AP4S1: variants seen among roughly 807,000 people sequenced by gnomAD.
The protein encoded by AP4S1 is adaptor related protein complex 4 subunit sigma 1.
Under a neutral mutation model 19.8 loss-of-function variants are expected in AP4S1, and 23 were observed. The ratio of observed to expected loss-of-function variants is 1.16; its 90% CI spans 0.84 to 1.65. The LOEUF (loss-of-function observed/expected upper bound fraction) is 1.65. Among genes scored for constraint, AP4S1 ranks in the 40% most tolerant of loss-of-function variants. The pLI is 0.00. For synonymous variants in AP4S1, 46 were observed against 54.1 expected (o/e 0.85, Z 0.66); for missense variants, 166 against 172.8 (o/e 0.96, Z 0.22).
chr14:31,032,402 T>A (rs2139412199), intron 1 of AP4S1, among the ~76,000 whole-genome samples: 1 of 152,170 alleles, frequency 6.6e-6, no homozygotes, highest in African/African-American at 2.4e-5. Context: ...TTTAAATAAA[T>A]CAGAAGTAGA....
chr14:31,027,301 CAG>C (rs976435571), intron 1 of AP4S1: 5 of 152,036 alleles, frequency 3.3e-5, no homozygotes, highest in East Asian at 1.9e-4. Flanking sequence ...TTGATCGAAA[CAG>C]AAAATAAAAG....
intron 1 of AP4S1, among the ~76,000 whole-genome samples, chr14:31,045,756 A>G (rs1404426815): frequency 6.6e-6 from 1 of 152,016 alleles, no homozygotes; most frequent in East Asian, 1.9e-4. Context: ...TACTCTTGAA[A>G]TTTCCTAAGT....
intron 1 of AP4S1, among the ~76,000 whole-genome samples, chr14:31,062,317 T>C (rs1350367480): frequency 6.6e-6 from 1 of 152,026 alleles, no homozygotes; most frequent in African/African-American, 2.4e-5. Context: ...CAGGCTGTTC[T>C]TAAACTCCTG....
chr14:31,076,953 C>T (rs760885412), intron 4 of AP4S1, among the ~76,000 whole-genome samples: 6 of 152,030 alleles, frequency 3.9e-5, no homozygotes, highest in Admixed American at 2.0e-4. Flanking sequence ...TTTTTTGAGA[C>T]GGAGTTTTGC....
At chr14:31,062,144 G>A (rs966062894) in intron 1 of AP4S1, among the ~76,000 whole-genome samples, 11 of 151,658 alleles carry the variant, frequency 7.3e-5, no homozygotes, top group East Asian at 1.9e-4. Context: ...TGTCACCCAG[G>A]CTGGAGTACA....
rs1214703585 is a variant in AP4S1, at chr14:31,095,896, C to T, written c.*2861C>T. The T allele has an allele frequency of 1.3e-5, 2 of 151,658 alleles. No individual in the cohort carries two copies. Among genetic ancestry groups the T allele is most frequent in the Non-Finnish European group, 2.9e-5 (2 of 67,948 alleles). 9.4% of individuals were successfully genotyped at this position (151,658 alleles called of 1,614,324 possible). ...GTCAGGAGTTCAAGACCAGCTTGGC[C>T]AACATGGTGAGACCCTGTCTCTACT... On this transcript the variant is annotated 3_prime_UTR_variant, in exon 6 of 6. Coordinates refer to ENST00000542754, the MANE Select transcript of AP4S1 (RefSeq NM_001128126.3).
At chr14:31,073,304 T>G (rs28649794) in intron 4 of AP4S1, 1 of 261,030 alleles carries the variant, frequency 3.8e-6, no homozygotes, top group Admixed American at 5.1e-5. Context: ...TCCTGGCTAA[T>G]ACGGTGAAAC....
chr14:31,045,282 C>T (rs189652518), intron 1 of AP4S1, among the ~76,000 whole-genome samples: 183 of 152,216 alleles, frequency 1.2e-3, no homozygotes, highest in African/African-American at 3.8e-3. Context: ...TACCACATAC[C>T]GTTTGATATG....
chr14:31,072,994 A>G (rs904728540), intron 4 of AP4S1, 21 bp downstream of exon 4: 9 of 1,604,932 alleles, frequency 5.6e-6, no homozygotes, highest in Non-Finnish European at 6.8e-6. Flanking sequence ...TGGCTAAAAA[A>G]TGGTTTACTT....
intron 3 of AP4S1, among the ~76,000 whole-genome samples, chr14:31,072,405 C>T (rs765224290): frequency 6.6e-6 from 1 of 151,830 alleles, no homozygotes; most frequent in Non-Finnish European, 1.5e-5. Flanking sequence ...GGACCTCGCT[C>T]TGTTTCCCAG....
chr14:31,077,358 G>A (rs191009769), intron 4 of AP4S1, among the ~76,000 whole-genome samples: 3 of 152,248 alleles, frequency 2.0e-5, no homozygotes, highest in South Asian at 4.1e-4. Context: ...GTAATATTGT[G>A]TGCACTAAAA....
intron 1 of AP4S1, chr14:31,026,629 C>A (rs548863464): frequency 6.3e-6 from 1 of 157,988 alleles, no homozygotes; most frequent in Admixed American, 6.5e-5. Flanking sequence ...CCCTCAGACC[C>A]GATCCGGTGT....
chr14:31,062,902 G>C (rs1886515449), intron 1 of AP4S1, among the ~76,000 whole-genome samples: 1 of 151,882 alleles, frequency 6.6e-6, no homozygotes, highest in South Asian at 2.1e-4. Flanking sequence ...GGGAGGCGGA[G>C]CTTGCAGTGA....
chr14:31,069,882 C>A lies in AP4S1; in HGVS notation c.178C>A (p.Arg60=). 1 of 1,613,466 alleles carries A rather than the reference C, an allele frequency of 6.2e-7. No homozygotes were observed. Among genetic ancestry groups the A allele is most frequent in the Non-Finnish European group, 8.5e-7 (1 of 1,179,480 alleles). Residue 60 remains arginine (R), a synonymous_variant, in exon 3 of 6, where the codon CGG becomes AGG. Coordinates refer to ENST00000542754, the MANE Select transcript of AP4S1 (RefSeq NM_001128126.3). ...IEYKDFKLIY[R]QYAALFIVVG... is the part of the protein sequence containing the mutation. Reference sequence around the variant, plus strand: ...ATATAAGGATTTTAAGCTGATATATCGGCAGTATGCAGCTCTCTTCATTGT... The same window carrying A: ...ATATAAGGATTTTAAGCTGATATATAGGCAGTATGCAGCTCTCTTCATTGT...
At chr14:31,038,671 A>C (rs1261008565) in intron 1 of AP4S1, among the ~76,000 whole-genome samples, 1 of 152,208 alleles carries the variant, frequency 6.6e-6, no homozygotes, top group Non-Finnish European at 1.5e-5. Flanking sequence ...CATTTCACTG[A>C]GTGACCTTTG....
chr14:31,063,421 G>C (rs999236648), intron 1 of AP4S1, among the ~76,000 whole-genome samples: 1 of 152,016 alleles, frequency 6.6e-6, no homozygotes, highest in Non-Finnish European at 1.5e-5. Flanking sequence ...GTGACAGAGT[G>C]AGACTCTGTC....
chr14:31,032,110 G>A (rs1279872566), intron 1 of AP4S1, among the ~76,000 whole-genome samples: 5 of 151,322 alleles, frequency 3.3e-5, no homozygotes, highest in African/African-American at 7.3e-5. Context: ...AGCTGGGCGC[G>A]GTGGCTCATG....
At position 31,066,346 on chromosome 14, in the gene AP4S1, GTTCTCTCT is replaced by G. The variant is rs780572827; in HGVS notation, c.138+15_138+22del. 13 of 1,613,782 alleles carry G rather than the reference GTTCTCTCT, an allele frequency of 8.1e-6. No individual in the cohort carries two copies. The highest frequency in any genetic ancestry group is 7.7e-5 in the South Asian group (7 of 91,070). Reference sequence around the variant, plus strand: ...GATCCAATGAACAAGTAAGTCTCTGGTTCTCTCTTTTATCTCTGCATTCAACTCAGCCT... The same window carrying G: ...GATCCAATGAACAAGTAAGTCTCTGGTTTATCTCTGCATTCAACTCAGCCT... On this transcript the variant is annotated intron_variant, in intron 2 of 5. Coordinates refer to ENST00000542754, the MANE Select transcript of AP4S1 (RefSeq NM_001128126.3).
At position 31,096,335 on chromosome 14, in the gene AP4S1, C is replaced by T. The variant is rs963084703; in HGVS notation, c.*3300C>T. On this transcript the variant is annotated 3_prime_UTR_variant, in exon 6 of 6. Transcript: ENST00000542754. The stretch of plus-strand genomic sequence containing the variant: ...CTTAGGCGAAAGTATGTACAGTAGT[C>T]CCTCTCTTATCCACTGTTTCGCATT... 12 of 152,072 alleles carry T rather than the reference C, an allele frequency of 7.9e-5. No homozygotes were observed. Among genetic ancestry groups the T allele is most frequent in the East Asian group, 7.7e-4 (4 of 5,194 alleles). The allele number at this position is 152,072 out of a possible 1,614,324, so 9.4% of individuals were successfully genotyped here. A position where few individuals can be genotyped will look rare whatever the true frequency, so the allele number is the denominator to read the frequency against.
Sources: gnomAD v4.1 joint callset for allele counts (sites outside exome capture counted in the v4.1 genomes callset) on GRCh38, gnomAD v4.1.1 for gene constraint, MANE v1.5 for transcripts, NCBI Gene and HGNC (gene_info 2026-07-23, HGNC 2026-07-21) for gene names.